The following LNX1 variants were observed in gnomAD, a reference collection of about 807,000 sequenced individuals.
LNX1 encodes the protein E3 ubiquitin-protein ligase LNX.
In LNX1, 54 loss-of-function variants were observed where a neutral mutation model predicts 68.4. The ratio of observed to expected loss-of-function variants is 0.79; its 90% confidence interval spans 0.63 to 0.99. The LOEUF is 0.99. LNX1 is among the 50% of genes least tolerant of loss of function. LNX1 has a pLI of 0.00. For synonymous variants in LNX1, 336 were observed against 350.0 expected (o/e 0.96, Z 0.45); for missense variants, 906 against 926.4 (o/e 0.98, Z 0.29).
At chr4:53,613,200 C>T (rs908448625) in intron 2 of LNX1, among the ~76,000 whole-genome samples, 29 of 151,806 alleles carry the variant, frequency 1.9e-4, no homozygotes, top group African/African-American at 6.8e-4. Context: ...AGACCCCCTA[C>T]ACATAACTGT....
intron 6 of LNX1, among the ~76,000 whole-genome samples, chr4:53,494,657 T>A (rs1313769351): frequency 6.6e-6 from 1 of 152,252 alleles, no homozygotes; most frequent in African/African-American, 2.4e-5. Flanking sequence ...CCAGCTTTCC[T>A]GCCACACTGG....
At chr4:53,486,456 GC>G (rs1724300833) in intron 6 of LNX1, among the ~76,000 whole-genome samples, 1 of 152,144 alleles carries the variant, frequency 6.6e-6, no homozygotes, top group African/African-American at 2.4e-5. Context: ...GTGGACTTTA[GC>G]TTATTGGCAG....
In LNX1 at chr4:53,575,530, T is replaced by G. The variant is rs1329556010; in HGVS notation, c.-86-1442A>C. 4.1e-6 allele frequency: 4 copies of G among 985,208 alleles called. No individual in the cohort carries two copies. In the African/African-American group the frequency reaches 7.0e-5, roughly 17 times the overall value. The allele number at this position is 985,208 out of a possible 1,614,324, so 61.0% of individuals were successfully genotyped here. A position where few individuals can be genotyped will look rare whatever the true frequency, so the allele number is the denominator to read the frequency against. On this transcript the variant is annotated intron_variant, in intron 1 of 10. Coordinates refer to ENST00000263925, the MANE Select transcript of LNX1 (RefSeq NM_001126328.3). ...GGGAGTCCCCATTCCAGAGGTGACA[T>G]GGACACACACACAAGTAGGAGCCCA...
chr4:53,567,148 A>T (rs1260848027), intron 2 of LNX1, among the ~76,000 whole-genome samples: 1 of 143,300 alleles, frequency 7.0e-6, no homozygotes. Context: ...AGCGGACCTA[A>T]TAGACATCTA....
chr4:53,538,490 A>G (rs1306675124), intron 2 of LNX1, among the ~76,000 whole-genome samples: 1 of 152,222 alleles, frequency 6.6e-6, no homozygotes, highest in Non-Finnish European at 1.5e-5. Flanking sequence ...TTTTGAATGC[A>G]TGAGGGTTCA....
chr4:53,460,843 T>TA lies in LNX1; in HGVS notation c.*63dup, dbSNP rs1188156478. ...TAAATATAAAAACTGACAAGATAAA[T>TA]ATAGTGTTTCAACTTCTTAGCCTAT... On this transcript the variant is annotated 3_prime_UTR_variant, in exon 11 of 11. Coordinates refer to ENST00000263925, the MANE Select transcript of LNX1 (RefSeq NM_001126328.3). 11 of 1,387,264 alleles carry TA rather than the reference T, an allele frequency of 7.9e-6. No individual in the cohort carries two copies. In the African/African-American group the frequency reaches 1.2e-4, roughly 15 times the overall value. The allele number at this position is 1,387,264 out of a possible 1,614,324, so 85.9% of individuals were successfully genotyped here.
intron 2 of LNX1, chr4:53,557,878 C>T: frequency 6.2e-7 from 1 of 1,613,218 alleles, no homozygotes; most frequent in Non-Finnish European, 8.5e-7. Context: ...ACTCACAGTT[C>T]TGAATACAGG....
Position 53,508,019 on chromosome 4 carries a change from G to C in LNX1, c.589C>G (p.Pro197Ala), listed in dbSNP as rs1726040699. ...SAEDGQPAIS[P>A]VDSGRSNRTR... ...CGGTTGCTCCGGCCAGAGTCCACTG[G>C]GCTGATTGCTGGCTGCCCGTCCTCT... Residue 197 changes from proline to alanine, a missense_variant, in exon 3 of 11, where the codon CCA becomes GCA. Physicochemically the swap from Pro to Ala is conservative, Grantham distance 27. Coordinates refer to ENST00000263925, the MANE Select transcript of LNX1 (RefSeq NM_001126328.3). The C allele has an allele frequency of 6.2e-7, 1 of 1,614,096 alleles. No individual in the cohort carries two copies. The highest frequency in any genetic ancestry group is 8.5e-7 in the Non-Finnish European group (1 of 1,179,994).
chr4:53,480,267 T>A (rs1340951144), intron 7 of LNX1, among the ~76,000 whole-genome samples: 1 of 152,314 alleles, frequency 6.6e-6, no homozygotes, highest in East Asian at 1.9e-4. Context: ...CAATTCCGAC[T>A]AAGTCAGTTT....
intron 2 of LNX1, among the ~76,000 whole-genome samples, chr4:53,526,758 C>T (rs1727637646): frequency 6.6e-6 from 1 of 151,888 alleles, no homozygotes; most frequent in African/African-American, 2.4e-5. Context: ...TCTCTTTTCT[C>T]TTGAACTTTT....
At position 53,564,870 on chromosome 4, in the gene LNX1, T is replaced by C. The variant is rs373064882; in HGVS notation, c.380+8753A>G. Among the ~76,000 whole-genome samples, 8 of 152,258 alleles carry C rather than the reference T, an allele frequency of 5.3e-5. No homozygotes were observed. In the East Asian group the frequency reaches 1.4e-3, roughly 26 times the overall value. On this transcript the variant is annotated intron_variant, in intron 2 of 10. Coordinates refer to ENST00000263925, the MANE Select transcript of LNX1 (RefSeq NM_001126328.3). ...TCAGGGAGTTAGTTCCCTTTCCTAA[T>C]CAAAGAAAGGGGTGACAGACAGCAC...
chr4:53,459,695 C>G lies in LNX1; in HGVS notation c.*1212G>C. ...ATCCAAGAAAGGAATGTGAATGAGT[C>G]ACTTAACAGGGAATCTAAAGAGCTG... On this transcript the variant is annotated 3_prime_UTR_variant, in exon 11 of 11. Coordinates refer to ENST00000263925, the MANE Select transcript of LNX1 (RefSeq NM_001126328.3). The G allele has an allele frequency of 1.9e-6, 1 of 514,044 alleles. No individual in the cohort carries two copies. The highest frequency in any genetic ancestry group is 3.5e-6 in the Non-Finnish European group (1 of 286,974). The allele number at this position is 514,044 out of a possible 1,614,324, so 31.8% of individuals were successfully genotyped here.
intron 1 of LNX1, among the ~76,000 whole-genome samples, chr4:53,640,927 A>C (rs1734656243): frequency 6.6e-6 from 1 of 152,212 alleles, no homozygotes; most frequent in African/African-American, 2.4e-5. Context: ...TCTCGTCGGC[A>C]GTCCTTCCGG....
chr4:53,465,672 T>C (rs1390305815), intron 9 of LNX1, among the ~76,000 whole-genome samples: 1 of 152,246 alleles, frequency 6.6e-6, no homozygotes, highest in East Asian at 1.9e-4. Context: ...AAGAACTTTT[T>C]AAAAATTCTG....
At chr4:53,533,267 G>C (rs949514408) in intron 2 of LNX1, among the ~76,000 whole-genome samples, 2 of 152,168 alleles carry the variant, frequency 1.3e-5, no homozygotes, top group Non-Finnish European at 2.9e-5. Context: ...AACATACAAA[G>C]GAACCAGATT....
At chr4:53,464,146 C>T (rs1472832712) in intron 9 of LNX1, among the ~76,000 whole-genome samples, 2 of 152,076 alleles carry the variant, frequency 1.3e-5, no homozygotes, top group Non-Finnish European at 1.5e-5. Flanking sequence ...TATAGAAAAC[C>T]GTCCTTTCAC....
chr4:53,616,156 C>A (rs184822129), intron 2 of LNX1, among the ~76,000 whole-genome samples: 8 of 152,218 alleles, frequency 5.3e-5, no homozygotes, highest in African/African-American at 1.9e-4. Context: ...GTGATGTTTG[C>A]GTTTCTGTGG....
intron 2 of LNX1, among the ~76,000 whole-genome samples, chr4:53,601,661 G>A (rs1369294820): frequency 2.0e-5 from 3 of 152,194 alleles, no homozygotes; most frequent in Admixed American, 6.5e-5. Context: ...CAGCAGCTGT[G>A]CTAGGTATGT....
rs1721675823 is a variant in LNX1, at chr4:53,460,309, CGAGCATTTTTAGGGATAAGCCT to C, written c.*576_*597del. ...ACAAGTTTATAATTAATTCTCTGAG[CGAGCATTTTTAGGGATAAGCCT>C]AGGAGGTATTCATCGGTGATGGTAA... On this transcript the variant is annotated 3_prime_UTR_variant, in exon 11 of 11. Transcript: ENST00000263925. The C allele has an allele frequency of 1.1e-5, 2 of 189,140 alleles. No individual in the cohort carries two copies. The highest frequency in any genetic ancestry group is 1.9e-4 in the South Asian group (1 of 5,138). 11.7% of individuals were successfully genotyped at this position (189,140 alleles called of 1,614,324 possible).
Sources: gnomAD v4.1 joint callset for allele counts (sites outside exome capture counted in the v4.1 genomes callset) on GRCh38, gnomAD v4.1.1 for gene constraint, MANE v1.5 for transcripts, NCBI Gene and HGNC (gene_info 2026-07-23, HGNC 2026-07-21) for gene names.